CCDC158: variants seen among roughly 807,000 people sequenced by gnomAD.
CCDC158 encodes the protein coiled-coil domain-containing protein 158.
In CCDC158, 116 loss-of-function variants were observed where a neutral mutation model predicts 138.6. The ratio of observed to expected loss-of-function variants is 0.84; its 90% CI spans 0.72 to 0.98. CCDC158 has a LOEUF of 0.98. CCDC158 is among the 50% of genes least tolerant of loss of function. CCDC158 has a pLI of 0.00. For missense variants in CCDC158, 1,265 were observed against 1,306.1 expected (o/e 0.97, Z 0.48); for synonymous variants, 436 against 442.4 (o/e 0.99, Z 0.18).
Position 76,351,744 on chromosome 4 carries a change from T to C in CCDC158, c.2514A>G (p.Lys838=). Residue 838 remains lysine, a synonymous_variant, in exon 17 of 25, where the codon AAA becomes AAG. Coordinates refer to ENST00000682701, the MANE Select transcript of CCDC158 (RefSeq NM_001394954.1). ...QRQEQESVRL[K]LQHTLDIKEL... ...CTTTTATATCCAAAGTGTGTTGAAG[T>C]TTTAAGCGCACTGATTCTTGCTCCT... 6.2e-7 allele frequency: 1 copy of C among 1,612,450 alleles called. No homozygotes were observed. Among genetic ancestry groups the C allele is most frequent in the Non-Finnish European group, 8.5e-7 (1 of 1,178,618 alleles).
intron 8 of CCDC158, among the ~76,000 whole-genome samples, chr4:76,380,732 G>A (rs1726156665): frequency 1.3e-5 from 2 of 152,196 alleles, no homozygotes; most frequent in South Asian, 4.1e-4. Context: ...AAGACAATGG[G>A]GAAAATGTCT....
chr4:76,346,898 A>G (rs1198546097), intron 18 of CCDC158, among the ~76,000 whole-genome samples: 1 of 152,226 alleles, frequency 6.6e-6, no homozygotes, highest in Non-Finnish European at 1.5e-5. Context: ...TCAGAAGAAG[A>G]TATTTATGAG....
chr4:76,330,934 T>C (rs931109199), intron 21 of CCDC158, among the ~76,000 whole-genome samples: 2 of 152,180 alleles, frequency 1.3e-5, no homozygotes, highest in Non-Finnish European at 2.9e-5. Context: ...AAAATATTTA[T>C]AATACTATCT....
At chr4:76,329,055 A>C in intron 21 of CCDC158, 88 bp from the exon 22 acceptor site, 1 of 1,018,116 alleles carries the variant, frequency 9.8e-7, no homozygotes, top group Non-Finnish European at 1.6e-6. Flanking sequence ...ACACAGGCAA[A>C]TGTGATGGTT....
In CCDC158 at chr4:76,367,705, G is replaced by C. The variant is rs1474564800; in HGVS notation, c.1419C>G (p.Thr473=). Residue 473 remains threonine, a synonymous_variant, in exon 12 of 25, where the codon ACC becomes ACG. Coordinates refer to ENST00000682701, the MANE Select transcript of CCDC158 (RefSeq NM_001394954.1). ...VSSLTAQLES[T]KEMLRKVVEE... ...CTACTACTTTGCGCAGCATCTCTTT[G>C]GTGGATTCAAGCTGAGCAGTCAAGG... 6.2e-7 allele frequency: 1 copy of C among 1,613,946 alleles called. No homozygotes were observed. The highest frequency in any genetic ancestry group is 1.3e-5 in the African/African-American group (1 of 75,002).
chr4:76,346,164 G>C (rs1254517205), intron 18 of CCDC158, among the ~76,000 whole-genome samples: 1 of 152,156 alleles, frequency 6.6e-6, no homozygotes, highest in East Asian at 1.9e-4. Flanking sequence ...TTAATAAATG[G>C]TGTTGGGAAA....
At chr4:76,367,892 ATCT>A in intron 11 of CCDC158, 116 bp from the exon 12 acceptor site, 1 of 903,138 alleles carries the variant, frequency 1.1e-6, no homozygotes, top group Non-Finnish European at 1.5e-6. Flanking sequence ...GTTTAGTAAG[ATCT>A]TTTTTTTTTT....
rs1722989831 is a variant in CCDC158, at chr4:76,351,032, T to C, written c.2628A>G (p.Val876=). The C allele has an allele frequency of 6.2e-7, 1 of 1,613,876 alleles. No individual in the cohort carries two copies. The highest frequency in any genetic ancestry group is 1.1e-5 in the South Asian group (1 of 91,074). ...AGCTGGCTGTAGACTGCGAAGATGG[T>C]ACATTAGAATGAGAACGAGTAACAG... ...PASVTRSHSN[V]PSSQSTASFL... is the part of the protein sequence containing the mutation. The change falls in exon 18 of 25, where the codon GTA becomes GTG. Residue 876 remains valine (V), a synonymous_variant. Coordinates refer to ENST00000682701, the MANE Select transcript of CCDC158 (RefSeq NM_001394954.1).
At chr4:76,348,544 A>G (rs1722781904) in intron 18 of CCDC158, among the ~76,000 whole-genome samples, 2 of 152,106 alleles carry the variant, frequency 1.3e-5, no homozygotes, top group Admixed American at 6.5e-5. Context: ...GTTTCAACAT[A>G]TGAATCTAAG....
chr4:76,324,587 CA>C (rs748349711), intron 23 of CCDC158, among the ~76,000 whole-genome samples: 39 of 152,166 alleles, frequency 2.6e-4, no homozygotes, highest in Non-Finnish European at 1.9e-4. Flanking sequence ...CTTTATGTAA[CA>C]AAAATTAATA....
intron 24 of CCDC158, among the ~76,000 whole-genome samples, chr4:76,315,989 C>T (rs190244899): frequency 2.6e-5 from 4 of 152,228 alleles, no homozygotes; most frequent in Non-Finnish European, 5.9e-5. Flanking sequence ...GGCTTTTCCA[C>T]TGAAATAGTT....
Position 76,371,416 on chromosome 4 carries a change from C to T in CCDC158, c.1149+1G>A. ...ATTCATATTTTAAAGCATAATCTTA[C>T]CAACAGCTTTTGAAGTTGATCATCT... On this transcript the variant is annotated splice_donor_variant, in intron 10 of 24. Coordinates refer to ENST00000682701, the MANE Select transcript of CCDC158 (RefSeq NM_001394954.1). LOFTEE classifies it high-confidence loss of function. 6.2e-7 allele frequency: 1 copy of T among 1,613,642 alleles called. No individual in the cohort carries two copies. The highest frequency in any genetic ancestry group is 8.5e-7 in the Non-Finnish European group (1 of 1,179,768).
Position 76,367,274 on chromosome 4 carries a change from C to T in CCDC158, c.1830+20G>A. On this transcript the variant is annotated intron_variant, in intron 12 of 24. Transcript: ENST00000682701. Reference sequence around the variant, plus strand: ...ATAAATGATATTTCAGAAGTTAAATCACAAAAAAACTCTACAGACCTTAAG... The same window carrying T: ...ATAAATGATATTTCAGAAGTTAAATTACAAAAAAACTCTACAGACCTTAAG... 1 of 1,592,280 alleles carries T rather than the reference C, an allele frequency of 6.3e-7. No individual in the cohort carries two copies.
At chr4:76,326,320 A>G (rs539382064) in intron 22 of CCDC158, among the ~76,000 whole-genome samples, 4 of 152,308 alleles carry the variant, frequency 2.6e-5, no homozygotes, top group Non-Finnish European at 4.4e-5. Flanking sequence ...TGCTCCCTAG[A>G]GTAAGGTAAT....
At chr4:76,350,881 A>G (rs1722974689) in intron 18 of CCDC158, 115 bp downstream of exon 18, 1 of 878,630 alleles carries the variant, frequency 1.1e-6, no homozygotes, top group South Asian at 3.1e-5. Context: ...TCTAAAATCT[A>G]GTAATTGAAA....
rs373455626 is a variant in CCDC158 at position 76,334,108 on chromosome 4, G to A, written c.2724C>T (p.Leu908=). Residue 908 remains leucine (L), a synonymous_variant, in exon 19 of 25, where the codon CTC becomes CTT. Coordinates refer to ENST00000682701, the MANE Select transcript of CCDC158 (RefSeq NM_001394954.1). The stretch of plus-strand genomic sequence containing the variant: ...CATTGATCACGCTTCTCAACTCTTG[G>A]AGAAGCTGTTTCAGGTCCCTTGTTG... ...EDPTRDLKQL[L]QELRSVINEE... is the part of the protein sequence containing the mutation. 6.2e-7 allele frequency: 1 copy of A among 1,613,638 alleles called. No homozygotes were observed. Among genetic ancestry groups the A allele is most frequent in the African/African-American group, 1.3e-5 (1 of 74,924 alleles).
chr4:76,334,121 A>C lies in CCDC158; in HGVS notation c.2711T>G (p.Leu904Arg). 1 of 1,613,562 alleles carries C rather than the reference A, an allele frequency of 6.2e-7. No individual in the cohort carries two copies. Among genetic ancestry groups the C allele is most frequent in the Middle Eastern group, 1.7e-4 (1 of 6,026 alleles). ...TCTCAACTCTTGGAGAAGCTGTTTC[A>C]GGTCCCTTGTTGGATCTTCCTTCAG... ...NTLKEDPTRD[L>R]KQLLQELRSV... is the part of the protein sequence containing the mutation. The change falls in exon 19 of 25, where the codon CTG (leucine) becomes CGG (arginine). Residue 904 changes from leucine to arginine, a missense_variant. Coordinates refer to ENST00000682701, the MANE Select transcript of CCDC158 (RefSeq NM_001394954.1).
intron 1 of CCDC158, among the ~76,000 whole-genome samples, chr4:76,416,047 T>C (rs912898206): frequency 1.3e-5 from 2 of 152,214 alleles, no homozygotes; most frequent in Non-Finnish European, 2.9e-5. Flanking sequence ...TTCCATCCTG[T>C]TCACCTGGCT....
chr4:76,406,512 A>G (rs778322420), intron 2 of CCDC158, among the ~76,000 whole-genome samples: 1 of 152,194 alleles, frequency 6.6e-6, no homozygotes, highest in Non-Finnish European at 1.5e-5. Context: ...GATAACAGAC[A>G]ATATACTTTC....
Sources: gnomAD v4.1 joint callset for allele counts (sites outside exome capture counted in the v4.1 genomes callset) on GRCh38, gnomAD v4.1.1 for gene constraint, MANE v1.5 for transcripts, NCBI Gene and HGNC (gene_info 2026-07-23, HGNC 2026-07-21) for gene names.